Variants in GALNT1 observed in about 807,000 individuals in gnomAD.
GALNT1 encodes the protein GalNAc transferase 1.
Under a neutral mutation model 65.7 loss-of-function variants are expected in GALNT1, and 17 were observed. The observed-to-expected ratio is 0.26, with a 90% CI of 0.18 to 0.39. The LOEUF (loss-of-function observed/expected upper bound fraction) is 0.39, where lower values mean the gene tolerates loss of function less well. GALNT1 is among the 10% of genes least tolerant of loss of function. The pLI is 1.00. For synonymous variants in GALNT1, 210 were observed against 219.7 expected (o/e 0.96, Z 0.39); for missense variants, 460 against 672.8 (o/e 0.68, Z 3.50).
At chr18:35,681,066 CCTTTATTCTTCT>C (rs2047780204) in intron 4 of GALNT1, among the ~76,000 whole-genome samples, 1 of 151,920 alleles carries the variant, frequency 6.6e-6, no homozygotes, top group African/African-American at 2.4e-5. Context: ...TTTATTCTTC[CCTTTATTCTTCT>C]CTACTACTCC....
At chr18:35,685,099 G>A (rs1174110069) in intron 5 of GALNT1, among the ~76,000 whole-genome samples, 2 of 152,014 alleles carry the variant, frequency 1.3e-5, no homozygotes, top group African/African-American at 4.8e-5. Context: ...CTTTTTATGA[G>A]GCTGGTATAA....
intron 9 of GALNT1, among the ~76,000 whole-genome samples, chr18:35,702,003 C>T (rs549647050): frequency 6.6e-6 from 1 of 152,170 alleles, no homozygotes; most frequent in Admixed American, 6.5e-5. Flanking sequence ...CATTACCCCC[C>T]CAGTTCCTGA....
intron 1 of GALNT1, among the ~76,000 whole-genome samples, chr18:35,613,279 A>G (rs890337186): frequency 5.3e-5 from 8 of 152,152 alleles, no homozygotes; most frequent in African/African-American, 1.7e-4. Context: ...GTGGATGTAC[A>G]TTTCTTTTGG....
chr18:35,642,169 G>A (rs1479302384), intron 1 of GALNT1, among the ~76,000 whole-genome samples: 1 of 152,156 alleles, frequency 6.6e-6, no homozygotes, highest in Non-Finnish European at 1.5e-5. Context: ...TAGTAGACAT[G>A]TTCAGGAATG....
intron 9 of GALNT1, among the ~76,000 whole-genome samples, chr18:35,696,455 G>A (rs2048059083): frequency 6.6e-6 from 1 of 152,236 alleles, no homozygotes; most frequent in African/African-American, 2.4e-5. Flanking sequence ...CGTAGTTCCT[G>A]TAGGACCTGA....
chr18:35,643,769 G>C (rs1174565702), intron 1 of GALNT1, among the ~76,000 whole-genome samples: 1 of 149,188 alleles, frequency 6.7e-6, no homozygotes. Flanking sequence ...CTACACTCCA[G>C]CCTGGGCAAC....
intron 1 of GALNT1, chr18:35,627,446 T>G (rs964024952): frequency 5.9e-5 from 9 of 152,134 alleles, no homozygotes; most frequent in African/African-American, 1.7e-4. Context: ...GTGGGACATG[T>G]GGATTTGGGA....
chr18:35,654,787 T>G lies in GALNT1; in HGVS notation c.125T>G (p.Leu42Arg), dbSNP rs2047358887. The change falls in exon 2 of 12, where the codon CTT (leucine) becomes CGT (arginine). Residue 42 changes from leucine to arginine, a missense_variant. Physicochemically the swap from Leu to Arg is moderately radical, Grantham distance 102. Coordinates refer to ENST00000269195, the MANE Select transcript of GALNT1 (RefSeq NM_020474.4). The part of the protein sequence containing the change: ...NKCDEKKERG[L>R]PAGDVLEPVQ... ...TGTGATGAAAAAAAGGAGAGAGGACTTCCTGCTGGAGATGGTGAGTGACAT... is the reference window on the plus strand; with the variant it reads ...TGTGATGAAAAAAAGGAGAGAGGACGTCCTGCTGGAGATGGTGAGTGACAT... The G allele has an allele frequency of 6.4e-7, 1 of 1,554,266 alleles. No individual in the cohort carries two copies. The highest frequency in any genetic ancestry group is 1.4e-5 in the African/African-American group (1 of 72,784).
intron 2 of GALNT1, among the ~76,000 whole-genome samples, chr18:35,662,009 G>A (rs924848611): frequency 2.0e-5 from 3 of 151,904 alleles, no homozygotes; most frequent in African/African-American, 2.4e-5. Context: ...GAACTCTGCC[G>A]GTTCCTTTTG....
At chr18:35,582,049 C>G (rs1368123626) in intron 1 of GALNT1, among the ~76,000 whole-genome samples, 187 bp downstream of exon 1, 2 of 152,014 alleles carry the variant, frequency 1.3e-5, no homozygotes, top group African/African-American at 2.4e-5. Context: ...GGACACGCGG[C>G]GTCTCTGGTT....
Position 35,709,653 on chromosome 18 carries a change from T to G in GALNT1, c.1563T>G (p.Asn521Lys), listed in dbSNP as rs2048324340. Residue 521 changes from asparagine to lysine, a missense_variant, in exon 12 of 12, where the codon AAT becomes AAG. Transcript: ENST00000269195. ...VKLTLQHVNS[N>K]QCLDKATEED... ...TAACCCTGCAGCATGTGAACAGTAA[T>G]CAGTGCCTGGATAAAGCCACAGAAG... 1.9e-6 allele frequency: 3 copies of G among 1,614,102 alleles called. No homozygotes were observed. In the East Asian group the frequency reaches 6.7e-5, roughly 36 times the overall value.
At chr18:35,646,513 G>A (rs1043779747) in intron 1 of GALNT1, among the ~76,000 whole-genome samples, 2 of 152,196 alleles carry the variant, frequency 1.3e-5, no homozygotes, top group Non-Finnish European at 2.9e-5. Context: ...GTAAGCAGGA[G>A]GCTTCAGTTT....
chr18:35,647,583 T>C (rs2047247733), intron 1 of GALNT1, among the ~76,000 whole-genome samples: 2 of 152,222 alleles, frequency 1.3e-5, no homozygotes, highest in African/African-American at 4.8e-5. Flanking sequence ...GCAGAAACTC[T>C]AGCTGTTAAT....
At chr18:35,674,266 GATTAAGTA>G (rs1384697065) in intron 3 of GALNT1, among the ~76,000 whole-genome samples, 1 of 152,172 alleles carries the variant, frequency 6.6e-6, no homozygotes, top group Non-Finnish European at 1.5e-5. Context: ...GTATTTTGCA[GATTAAGTA>G]ATTACGCTAG....
At chr18:35,675,976 A>C (rs1201691206) in intron 3 of GALNT1, among the ~76,000 whole-genome samples, 1 of 152,228 alleles carries the variant, frequency 6.6e-6, no homozygotes, top group Non-Finnish European at 1.5e-5. Flanking sequence ...AATTATATAC[A>C]TAAATATTCT....
chr18:35,676,811 T>C (rs2047717705), intron 3 of GALNT1, among the ~76,000 whole-genome samples: 1 of 152,226 alleles, frequency 6.6e-6, no homozygotes. Flanking sequence ...TGTTATCTAG[T>C]AATTTCATCT....
chr18:35,602,740 A>C (rs1461552685), intron 1 of GALNT1, among the ~76,000 whole-genome samples: 1 of 152,042 alleles, frequency 6.6e-6, no homozygotes, highest in South Asian at 2.1e-4. Context: ...TTTTCTGATA[A>C]ATTTCTGAAT....
chr18:35,663,360 AG>A (rs2047503471), intron 2 of GALNT1, among the ~76,000 whole-genome samples: 1 of 152,222 alleles, frequency 6.6e-6, no homozygotes, highest in South Asian at 2.1e-4. Context: ...TAAGGAGATC[AG>A]TGTGGCAGTA....
chr18:35,583,518 C>T (rs77888716), intron 1 of GALNT1, among the ~76,000 whole-genome samples: 2,081 of 152,200 alleles, frequency 0.014, 42 homozygotes, highest in African/African-American at 0.046. Flanking sequence ...CTTCCTTTTC[C>T]AGCCATGTAT....
Sources: allele counts gnomAD v4.1 joint callset (sites outside exome capture counted in the v4.1 genomes callset), GRCh38; gene constraint gnomAD v4.1.1; transcripts MANE v1.5; gene names NCBI Gene and HGNC (gene_info 2026-07-23, HGNC 2026-07-21).